The following LRP6 variants were observed in gnomAD, a reference collection of about 807,000 sequenced individuals.
LRP6 encodes the protein low-density lipoprotein receptor-related protein 6.
A neutral mutation model predicts 184.1 loss-of-function variants in LRP6; 43 were observed. That is an observed-to-expected ratio of 0.23 (90% CI 0.18 to 0.30). LRP6 has a LOEUF of 0.30. Ranked by LOEUF, LRP6 falls within the 10% of genes least tolerant of loss-of-function variation. The pLI is 1.00. For synonymous variants in LRP6, 719 were observed against 684.9 expected, an observed-to-expected ratio of 1.05 and a Z score of -0.78; for missense variants, 1,571 against 2,005.3, an observed-to-expected ratio of 0.78 and a Z score of 4.14.
At chr12:12,122,440 A>G (rs1949617966) in intron 22 of LRP6, among the ~76,000 whole-genome samples, 1 of 152,188 alleles carries the variant, frequency 6.6e-6, no homozygotes, top group Admixed American at 6.5e-5. Flanking sequence ...TAAAACACCT[A>G]GTGATACAGA....
At chr12:12,249,157 G>T in intron 1 of LRP6, 1 of 715,028 alleles carries the variant, frequency 1.4e-6, no homozygotes, top group Non-Finnish European at 2.5e-6. Flanking sequence ...GGGCCTGCAA[G>T]AACAATTTAT....
In LRP6 at chr12:12,262,920, G is replaced by A. The variant is rs115278428; in HGVS notation, c.55+3761C>T. Among the ~76,000 whole-genome samples the A allele has an allele frequency of 2.8e-3, 433 of 152,076 alleles. 3 individuals carry two copies. Among genetic ancestry groups the A allele is most frequent in the African/African-American group, 9.9e-3 (409 of 41,470 alleles). On this transcript the variant is annotated intron_variant, in intron 1 of 22. Coordinates refer to ENST00000261349, the MANE Select transcript of LRP6 (RefSeq NM_002336.3). ...AGTTTCCCCACTTACAAATAAACTG[G>A]TGAGGCTCAAACGACCAAGATCCCT... is the stretch of plus-strand genomic sequence containing the variant.
chr12:12,179,826 T>C lies in LRP6; in HGVS notation c.1529A>G (p.Lys510Arg), dbSNP rs775376354. The C allele has an allele frequency of 1.2e-5, 19 of 1,613,838 alleles. No homozygotes were observed. The South Asian group carries it at 2.0e-4, about 17-fold the overall frequency. The change falls in exon 7 of 23, where the codon AAA (lysine) becomes AGA (arginine). Residue 510 changes from lysine to arginine, a missense_variant. By Grantham distance (26) the Lys-to-Arg change is conservative. Transcript: ENST00000261349. ...AAAACAAACCTCAATCTTGTCTGTT[T>C]TGGCATCTCCCCAGTATATTTTGCC... is the stretch of plus-strand genomic sequence containing the variant. ...DEGKIYWGDA[K>R]TDKIEVMNTD...
chr12:12,206,433 C>T (rs1864058512), intron 2 of LRP6, among the ~76,000 whole-genome samples: 2 of 151,682 alleles, frequency 1.3e-5, no homozygotes, highest in Non-Finnish European at 2.9e-5. Flanking sequence ...GTCCCAGCTA[C>T]TCGGGAGGCT....
At chr12:12,215,251 A>G (rs535834189) in intron 2 of LRP6, among the ~76,000 whole-genome samples, 129 of 152,312 alleles carry the variant, frequency 8.5e-4, no homozygotes, top group Non-Finnish European at 1.5e-3. Flanking sequence ...TGAGGAGGGA[A>G]GGACATCACA....
At position 12,158,721 on chromosome 12, in the gene LRP6, C is replaced by T. The variant is rs577886197; in HGVS notation, c.2791+108G>A. ...CTACCCTTTAACCAAACAAATAACC[C>T]CCTCTGGATTTCCACACTATTTAAC... On this transcript the variant is annotated intron_variant, in intron 12 of 22. Transcript: ENST00000261349. 2.8e-4 allele frequency: 302 copies of T among 1,066,778 alleles called. No homozygotes were observed. The South Asian group carries it at 3.5e-3, about 12-fold the overall frequency. The allele number at this position is 1,066,778 out of a possible 1,614,324, so 66.1% of individuals were successfully genotyped here.
intron 1 of LRP6, among the ~76,000 whole-genome samples, chr12:12,263,402 C>T (rs1215705362): frequency 6.6e-6 from 1 of 151,062 alleles, no homozygotes; most frequent in Non-Finnish European, 1.5e-5. Flanking sequence ...AGTGAAACCC[C>T]GTCTCTACTA....
At chr12:12,122,948 T>C (rs1437738556) in intron 22 of LRP6, among the ~76,000 whole-genome samples, 1 of 152,128 alleles carries the variant, frequency 6.6e-6, no homozygotes, top group Non-Finnish European at 1.5e-5. Flanking sequence ...GATGTCACAG[T>C]TTGTTTTGTT....
Position 12,181,093 on chromosome 12 carries a change from A to T in LRP6, c.1323T>A (p.Ile441=). Residue 441 remains isoleucine, a synonymous_variant, in exon 6 of 23, where the codon ATT becomes ATA. Coordinates refer to ENST00000261349, the MANE Select transcript of LRP6 (RefSeq NM_002336.3). ...CCCGGGGTTCCTCTAAGTCCTCTGA[A>T]ATCAAGATCTTCCTCATGGTCCCAT... The part of the protein sequence containing the change: ...RLNGTMRKIL[I]SEDLEEPRAI... The T allele has an allele frequency of 1.2e-6, 2 of 1,614,120 alleles. No individual in the cohort carries two copies. The highest frequency in any genetic ancestry group is 1.7e-6 in the Non-Finnish European group (2 of 1,179,966).
Position 12,187,018 on chromosome 12 carries a change from C to G in LRP6, c.749G>C (p.Cys250Ser). The G allele has an allele frequency of 1.2e-6, 2 of 1,614,076 alleles. No individual in the cohort carries two copies. The highest frequency in any genetic ancestry group is 1.7e-6 in the Non-Finnish European group (2 of 1,179,996). ...CAGACCCTCACCAGTATACTTGTTG[C>G]AAGCCAAAATGGAGTGTGTGCTCCA... The part of the protein sequence containing the change: ...TDWSTHSILA[C>S]NKYTGEGLRE... Residue 250 changes from cysteine (C) to serine (S), a missense_variant, in exon 4 of 23, where the codon TGC becomes TCC. Physicochemically the swap from Cys to Ser is moderately radical, Grantham distance 112. Transcript: ENST00000261349.
At chr12:12,170,263 C>A (rs1862997579) in intron 7 of LRP6, among the ~76,000 whole-genome samples, 1 of 152,184 alleles carries the variant, frequency 6.6e-6, no homozygotes, top group Admixed American at 6.5e-5. Context: ...ACCTGAGAGG[C>A]AGAGGTTGCA....
intron 15 of LRP6, among the ~76,000 whole-genome samples, chr12:12,143,751 A>G (rs1356643650): frequency 1.3e-5 from 2 of 152,228 alleles, no homozygotes; most frequent in Non-Finnish European, 2.9e-5. Context: ...GATCCCAATA[A>G]GAAAAGTTAA....
intron 7 of LRP6, 114 bp from the exon 8 acceptor site, chr12:12,165,409 T>C (rs564565629): frequency 3.9e-6 from 3 of 769,076 alleles, no homozygotes; most frequent in African/African-American, 1.7e-5. Flanking sequence ...TTGGTATTCC[T>C]ATTACAATGC....
intron 2 of LRP6, among the ~76,000 whole-genome samples, chr12:12,219,557 G>C (rs1864434267): frequency 1.3e-5 from 2 of 152,172 alleles, no homozygotes; most frequent in South Asian, 4.2e-4. Context: ...TTCAACATTA[G>C]AAAGGGGGAA....
chr12:12,203,310 T>A lies in LRP6; in HGVS notation c.540A>T (p.Glu180Asp), dbSNP rs1016463684. Residue 180 changes from glutamate to aspartate, a missense_variant, in exon 3 of 23, where the codon GAA becomes GAT. Transcript: ENST00000261349. ...AAGTCAGTCCATTTGGCCAGTAAAT[T>A]TCACTGTTTATTATAATGAAGCGAC... Reference protein sequence around the residue: ...GSSRFIIINSEIYWPNGLTLD... With the variant: ...GSSRFIIINSDIYWPNGLTLD... 6.2e-7 allele frequency: 1 copy of A among 1,613,924 alleles called. No homozygotes were observed. The highest frequency in any genetic ancestry group is 1.3e-5 in the African/African-American group (1 of 74,900).
intron 22 of LRP6, among the ~76,000 whole-genome samples, chr12:12,122,794 T>C (rs1269386137): frequency 6.6e-6 from 1 of 151,934 alleles, no homozygotes. Context: ...ATTGTGCCCC[T>C]GCACTCCAGC....
chr12:12,147,601 C>A (rs759830500), intron 14 of LRP6, 45 bp from the exon 15 acceptor site: 11 of 1,392,880 alleles, frequency 7.9e-6, no homozygotes, highest in Non-Finnish European at 1.1e-5. Flanking sequence ...AGTAAGAAAC[C>A]ACATAAAATG....
At chr12:12,194,126 C>A (rs775335809) in intron 3 of LRP6, among the ~76,000 whole-genome samples, 1 of 151,820 alleles carries the variant, frequency 6.6e-6, no homozygotes, top group African/African-American at 2.4e-5. Flanking sequence ...GAAAAAGGAA[C>A]GGACAAAATC....
chr12:12,216,145 C>A (rs1464016674), intron 2 of LRP6, among the ~76,000 whole-genome samples: 12 of 152,112 alleles, frequency 7.9e-5, no homozygotes. Flanking sequence ...CTGCAACAGA[C>A]TTTTACTTCA....
Sources: gnomAD v4.1 joint callset for allele counts (sites outside exome capture counted in the v4.1 genomes callset) on GRCh38, gnomAD v4.1.1 for gene constraint, MANE v1.5 for transcripts, NCBI Gene and HGNC (gene_info 2026-07-23, HGNC 2026-07-21) for gene names.